AFF3: variants seen among roughly 807,000 people sequenced by gnomAD.
AFF3 encodes ALF transcription elongation factor 3.
A neutral mutation model predicts 129.7 loss-of-function variants in AFF3; 32 were observed. The ratio of observed to expected loss-of-function variants is 0.25; its 90% confidence interval spans 0.19 to 0.33. The LOEUF (loss-of-function observed/expected upper bound fraction) is 0.33, where lower values mean the gene tolerates loss of function less well. Among genes scored for constraint, AFF3 ranks in the 10% least tolerant of loss-of-function variants. AFF3 has a pLI of 1.00. For synonymous variants in AFF3, 644 were observed against 635.4 expected, an observed-to-expected ratio of 1.01 and a Z score of -0.20; for missense variants, 1,373 against 1,592.0, an observed-to-expected ratio of 0.86 and a Z score of 2.34.
At chr2:100,008,579 A>G (rs558372887) in intron 5 of AFF3, among the ~76,000 whole-genome samples, 1 of 152,366 alleles carries the variant, frequency 6.6e-6, no homozygotes, top group South Asian at 2.1e-4. Context: ...GCAGATCTCA[A>G]TAGTAAACAA....
chr2:99,569,005 C>G (rs1575380952), intron 18 of AFF3, 90 bp from the exon 19 acceptor site: 2 of 1,297,984 alleles, frequency 1.5e-6, no homozygotes, highest in East Asian at 4.7e-5. Context: ...ACTTAAGGCA[C>G]AATTTAAAAA....
At chr2:99,847,988 A>C (rs1689857979) in intron 7 of AFF3, among the ~76,000 whole-genome samples, 1 of 152,194 alleles carries the variant, frequency 6.6e-6, no homozygotes, top group African/African-American at 2.4e-5. Context: ...TCAATAAGAA[A>C]TAGACATCAG....
intron 2 of AFF3, chr2:100,107,436 C>G (rs1691352133): frequency 3.0e-6 from 3 of 985,122 alleles, no homozygotes; most frequent in Non-Finnish European, 3.6e-6. Context: ...ATTAGAATGT[C>G]AGAACTAAAA....
rs147285193 is a variant in AFF3 at position 100,031,914 on chromosome 2, A to G, written c.54-22982T>C. Among the ~76,000 whole-genome samples the G allele has an allele frequency of 8.7e-3, 1,326 of 152,332 alleles. 12 individuals are homozygous for G. Among genetic ancestry groups the G allele is most frequent in the Non-Finnish European group, 0.015 (990 of 68,026 alleles). Reference sequence around the variant, plus strand: ...TTAAGGAGGTGAAGCATAGCGCTGCACTCTTTAAGAATTACAGCTATATGC... The same window carrying G: ...TTAAGGAGGTGAAGCATAGCGCTGCGCTCTTTAAGAATTACAGCTATATGC... On this transcript the variant is annotated intron_variant, in intron 4 of 24. Coordinates refer to ENST00000672756, the MANE Select transcript of AFF3 (RefSeq NM_001386135.1).
At chr2:99,905,554 T>A (rs922440297) in intron 7 of AFF3, among the ~76,000 whole-genome samples, 3 of 152,232 alleles carry the variant, frequency 2.0e-5, no homozygotes, top group Non-Finnish European at 4.4e-5. Context: ...GCTTATTGTT[T>A]GTTCCCTTTG....
intron 13 of AFF3, among the ~76,000 whole-genome samples, chr2:99,619,702 C>G (rs970861537): frequency 9.9e-5 from 15 of 152,194 alleles, no homozygotes; most frequent in African/African-American, 3.6e-4. Flanking sequence ...TACTGACACC[C>G]TTGGCTTGTC....
chr2:99,849,449 C>T (rs1393198919), intron 7 of AFF3, among the ~76,000 whole-genome samples: 3 of 152,080 alleles, frequency 2.0e-5, no homozygotes, highest in African/African-American at 7.2e-5. Context: ...CCTTTGCAAA[C>T]CCAATTCTGC....
chr2:99,607,246 C>A (rs1227047406), intron 13 of AFF3, among the ~76,000 whole-genome samples: 1 of 152,042 alleles, frequency 6.6e-6, no homozygotes, highest in East Asian at 1.9e-4. Flanking sequence ...AAGAAAAGAT[C>A]TGGAGGCTGG....
chr2:99,559,336 C>T (rs1298591091), intron 21 of AFF3, among the ~76,000 whole-genome samples: 5 of 152,244 alleles, frequency 3.3e-5, no homozygotes, highest in Admixed American at 6.5e-5. Flanking sequence ...GGGCGAGCCC[C>T]GCTCTGCGGA....
chr2:99,880,509 G>C (rs1396354874), intron 7 of AFF3, among the ~76,000 whole-genome samples: 2 of 152,206 alleles, frequency 1.3e-5, no homozygotes, highest in Non-Finnish European at 2.9e-5. Flanking sequence ...GGCTTGACAG[G>C]CGGCCATGGG....
chr2:99,879,549 T>C (rs1409836708), intron 7 of AFF3, among the ~76,000 whole-genome samples: 1 of 152,242 alleles, frequency 6.6e-6, no homozygotes, highest in African/African-American at 2.4e-5. Flanking sequence ...GGTAGGAGAA[T>C]GAAAAGAGTT....
intron 7 of AFF3, among the ~76,000 whole-genome samples, chr2:99,893,591 T>C (rs907065594): frequency 1.2e-4 from 19 of 152,320 alleles, no homozygotes; most frequent in African/African-American, 4.6e-4. Flanking sequence ...CACTGAACCC[T>C]GCCCGGCCCT....
At chr2:100,028,298 A>G (rs920758027) in intron 4 of AFF3, among the ~76,000 whole-genome samples, 3 of 152,186 alleles carry the variant, frequency 2.0e-5, no homozygotes, top group Non-Finnish European at 4.4e-5. Flanking sequence ...ATGTCCTCCT[A>G]GGAATCTGAC....
intron 8 of AFF3, among the ~76,000 whole-genome samples, chr2:99,833,858 G>A (rs1318141481): frequency 2.0e-5 from 3 of 152,146 alleles, no homozygotes; most frequent in Non-Finnish European, 4.4e-5. Flanking sequence ...ACAGAACTCT[G>A]TTTTAATTTC....
At chr2:99,749,149 G>T (rs1681415593) in intron 9 of AFF3, among the ~76,000 whole-genome samples, 1 of 152,146 alleles carries the variant, frequency 6.6e-6, no homozygotes, top group South Asian at 2.1e-4. Flanking sequence ...TCACCAAAAA[G>T]AGAAAAGAAA....
At chr2:99,665,397 G>C (rs1173145107) in intron 12 of AFF3, among the ~76,000 whole-genome samples, 1 of 152,162 alleles carries the variant, frequency 6.6e-6, no homozygotes. Context: ...TAGAGATGAA[G>C]TGACTACCTG....
At chr2:99,696,720 A>ATAGCTCC (rs1676313847) in intron 11 of AFF3, among the ~76,000 whole-genome samples, 1 of 151,548 alleles carries the variant, frequency 6.6e-6, no homozygotes, top group Non-Finnish European at 1.5e-5. Context: ...GCAGTGGCTC[A>ATAGCTCC]CTGCAGCCTC....
chr2:99,839,315 G>A lies in AFF3; in HGVS notation c.874-1791C>T, dbSNP rs192742485. Among the ~76,000 whole-genome samples, 435 of 152,036 alleles carry A rather than the reference G, an allele frequency of 2.9e-3. 4 individuals carry two copies. Among genetic ancestry groups the A allele is most frequent in the African/African-American group, 0.01 (421 of 41,450 alleles). On this transcript the variant is annotated intron_variant, in intron 7 of 24. Coordinates refer to ENST00000672756, the MANE Select transcript of AFF3 (RefSeq NM_001386135.1). Reference sequence around the variant, plus strand: ...AGTAGAGATGGGGTTTCACCATCTTGGCCAGGCTGGTCTCAAACTCCTGAC... The same window carrying A: ...AGTAGAGATGGGGTTTCACCATCTTAGCCAGGCTGGTCTCAAACTCCTGAC...
chr2:99,723,039 C>G (rs1230234228), intron 11 of AFF3, among the ~76,000 whole-genome samples: 2 of 152,122 alleles, frequency 1.3e-5, no homozygotes, highest in Non-Finnish European at 2.9e-5. Flanking sequence ...GTTTTTTTAA[C>G]AAAAGTATTT....
Sources: allele counts gnomAD v4.1 joint callset (sites outside exome capture counted in the v4.1 genomes callset), GRCh38; gene constraint gnomAD v4.1.1; transcripts MANE v1.5; gene names NCBI Gene and HGNC (gene_info 2026-07-23, HGNC 2026-07-21).